The following MLLT10 variants were observed in gnomAD, a reference collection of about 807,000 sequenced individuals.
MLLT10 encodes MLLT10 histone lysine methyltransferase DOT1L cofactor, also known as protein AF-10.
In MLLT10, 30 loss-of-function variants were observed where a neutral mutation model predicts 129.1. The ratio of observed to expected loss-of-function variants is 0.23; its 90% CI spans 0.17 to 0.32. The LOEUF (loss-of-function observed/expected upper bound fraction) is 0.32. Ranked by LOEUF, MLLT10 falls within the 10% of genes least tolerant of loss-of-function variation. The pLI is 1.00. For missense variants in MLLT10, 1,119 were observed against 1,268.3 expected (o/e 0.88, Z 1.79); for synonymous variants, 490 against 446.4 (o/e 1.10, Z -1.23).
At chr10:21,609,117 C>T (rs2044348383) in intron 5 of MLLT10, among the ~76,000 whole-genome samples, 1 of 152,020 alleles carries the variant, frequency 6.6e-6, no homozygotes. Context: ...AATGTAGGAC[C>T]CACCTTCCCT....
intron 3 of MLLT10, among the ~76,000 whole-genome samples, chr10:21,568,800 C>T (rs1310484099): frequency 6.6e-6 from 1 of 152,112 alleles, no homozygotes; most frequent in Admixed American, 6.6e-5. Context: ...CCATGCCCGG[C>T]TAATGTTGTA....
intron 8 of MLLT10, among the ~76,000 whole-genome samples, chr10:21,647,688 CT>C (rs913832910): frequency 5.6e-5 from 8 of 143,854 alleles, no homozygotes; most frequent in African/African-American, 1.8e-4. Flanking sequence ...TTTACTGGCT[CT>C]TTTTTTTTGC....
chr10:21,560,130 T>G (rs774306998), intron 3 of MLLT10, among the ~76,000 whole-genome samples: 16 of 152,112 alleles, frequency 1.1e-4, no homozygotes, highest in Non-Finnish European at 1.8e-4. Flanking sequence ...CTCAGTCTCC[T>G]GAGTAGCTGG....
At chr10:21,586,111 C>G (rs2041957750) in intron 3 of MLLT10, among the ~76,000 whole-genome samples, 183 bp from the exon 4 acceptor site, 1 of 152,102 alleles carries the variant, frequency 6.6e-6, no homozygotes, top group Non-Finnish European at 1.5e-5. Context: ...ATTACTTGTC[C>G]TCTGAAGAAG....
chr10:21,587,614 T>G (rs952384706), intron 4 of MLLT10, among the ~76,000 whole-genome samples: 1 of 152,096 alleles, frequency 6.6e-6, no homozygotes, highest in African/African-American at 2.4e-5. Context: ...GCATATATGA[T>G]GAGGCAGCTA....
In MLLT10 at chr10:21,669,129, T is replaced by G. The variant is rs923309276; in HGVS notation, c.796-1320T>G. On this transcript the variant is annotated intron_variant, in intron 9 of 22. Transcript: ENST00000307729. ...TTTTTTTTTTCCTTTTAAACTTACT[T>G]TGAAACGTTTGTTCTTGTTTGTGGA... is the stretch of plus-strand genomic sequence containing the variant. 75 of 1,226,120 alleles carry G rather than the reference T, an allele frequency of 6.1e-5. 1 individual carries two copies. In the Admixed American group the frequency reaches 2.2e-3, roughly 37 times the overall value. The allele number at this position is 1,226,120 out of a possible 1,614,324, so 76.0% of individuals were successfully genotyped here. A position where few individuals can be genotyped will look rare whatever the true frequency, so the allele number is the denominator to read the frequency against.
intron 8 of MLLT10, among the ~76,000 whole-genome samples, chr10:21,643,359 C>G (rs2048195594): frequency 1.3e-5 from 2 of 152,122 alleles, no homozygotes; most frequent in African/African-American, 4.8e-5. Flanking sequence ...GAAGACATTT[C>G]TATTTTTTCA....
rs189610887 is a variant in MLLT10, at chr10:21,544,153, A to G, written c.240+5241A>G. On this transcript the variant is annotated intron_variant, in intron 3 of 22. Coordinates refer to ENST00000307729, the MANE Select transcript of MLLT10 (RefSeq NM_001195626.3). ...GATACTATAGTTTTAAGAGAGATAG[A>G]TGTTTTATGACAGTCTGGGATGTGA... Among the ~76,000 whole-genome samples the G allele has an allele frequency of 1.2e-3, 190 of 152,302 alleles. 1 individual carries two copies. Among genetic ancestry groups the G allele is most frequent in the East Asian group, 5.8e-4 (3 of 5,176 alleles).
intron 5 of MLLT10, among the ~76,000 whole-genome samples, chr10:21,611,877 G>T (rs972634751): frequency 2.0e-5 from 3 of 152,144 alleles, no homozygotes; most frequent in Non-Finnish European, 2.9e-5. Context: ...TGACCTAAAC[G>T]TTGCTAATTC....
chr10:21,556,745 T>G (rs763768381), intron 3 of MLLT10: 2 of 1,610,838 alleles, frequency 1.2e-6, no homozygotes, highest in Non-Finnish European at 1.7e-6. Flanking sequence ...ATGCCTGGTG[T>G]CTAACGTTCC....
chr10:21,617,929 G>A (rs985436193), intron 8 of MLLT10, among the ~76,000 whole-genome samples: 6 of 152,204 alleles, frequency 3.9e-5, no homozygotes, highest in East Asian at 1.9e-4. Context: ...AGGCTGAGGC[G>A]AGAGGATCGT....
chr10:21,624,676 C>G lies in MLLT10; in HGVS notation c.699+7469C>G, dbSNP rs2046249589. On this transcript the variant is annotated intron_variant, in intron 8 of 22. Transcript: ENST00000307729. ...AGTTACCAGAATAGTCACCACCTTG[C>G]TGAAGCGGCTGCTGAGCGATGGGTT... 1.7e-5 allele frequency: 24 copies of G among 1,425,528 alleles called. 1 individual carries two copies. The highest frequency in any genetic ancestry group is 2.4e-5 in the South Asian group (2 of 84,390). The allele number at this position is 1,425,528 out of a possible 1,614,324, so 88.3% of individuals were successfully genotyped here.
At position 21,563,429 on chromosome 10, in the gene MLLT10, A is replaced by G. The variant is rs184866245; in HGVS notation, c.241-22865A>G. On this transcript the variant is annotated intron_variant, in intron 3 of 22. Coordinates refer to ENST00000307729, the MANE Select transcript of MLLT10 (RefSeq NM_001195626.3). ...TCTCAGCTGCTTGGGAGGCTGAGAC[A>G]TGAGAATTGCTTGAAACCAGGAGGC... Among the ~76,000 whole-genome samples the G allele has an allele frequency of 2.2e-3, 334 of 152,074 alleles. 3 individuals are homozygous for G. Among genetic ancestry groups the G allele is most frequent in the African/African-American group, 7.7e-3 (319 of 41,510 alleles).
intron 3 of MLLT10, among the ~76,000 whole-genome samples, chr10:21,562,805 C>CTT (rs1564415882): frequency 5.3e-5 from 6 of 112,246 alleles, no homozygotes; most frequent in African/African-American, 1.5e-4. Flanking sequence ...CTTACATATA[C>CTT]TTTGTTTTTT....
chr10:21,713,263 G>A (rs937215618), intron 13 of MLLT10, among the ~76,000 whole-genome samples: 1 of 152,180 alleles, frequency 6.6e-6, no homozygotes, highest in African/African-American at 2.4e-5. Context: ...TCCCACCAAT[G>A]TCATCAGCTC....
chr10:21,558,203 G>C lies in MLLT10; in HGVS notation c.240+19291G>C, dbSNP rs181303629. Among the ~76,000 whole-genome samples the C allele has an allele frequency of 9.8e-4, 149 of 151,784 alleles. 1 individual carries two copies. Among genetic ancestry groups the C allele is most frequent in the Non-Finnish European group, 1.5e-5 (1 of 67,940 alleles). On this transcript the variant is annotated intron_variant, in intron 3 of 22. Transcript: ENST00000307729. ...TGACCTCCGGTGATCCACCCACCTC[G>C]ACCTCCCAAAGTGCTGGGACTACAG... is the stretch of plus-strand genomic sequence containing the variant.
chr10:21,597,440 G>A (rs998816098), intron 5 of MLLT10, among the ~76,000 whole-genome samples: 7 of 152,124 alleles, frequency 4.6e-5, no homozygotes, highest in African/African-American at 1.7e-4. Flanking sequence ...CGCAGTCTCG[G>A]CTCACTGCAG....
chr10:21,558,421 A>C (rs1054721517), intron 3 of MLLT10, among the ~76,000 whole-genome samples: 2 of 152,000 alleles, frequency 1.3e-5, no homozygotes, highest in African/African-American at 2.4e-5. Context: ...CTGCCACTCT[A>C]CTCCAGCCTG....
intron 13 of MLLT10, among the ~76,000 whole-genome samples, chr10:21,701,303 A>G (rs1314825172): frequency 4.4e-4 from 44 of 100,762 alleles, no homozygotes; most frequent in Admixed American, 1.8e-3. Flanking sequence ...TTTTTTTTTG[A>G]GAGGGAGAGG....
Sources: gnomAD v4.1 joint callset for allele counts (sites outside exome capture counted in the v4.1 genomes callset) on GRCh38, gnomAD v4.1.1 for gene constraint, MANE v1.5 for transcripts, NCBI Gene and HGNC (gene_info 2026-07-23, HGNC 2026-07-21) for gene names.